Variants in EIF2AK2 observed in about 807,000 individuals in gnomAD.
The protein encoded by EIF2AK2 is interferon-induced, double-stranded RNA-activated protein kinase.
A neutral mutation model predicts 70.5 loss-of-function variants in EIF2AK2; 40 were observed. The observed-to-expected ratio is 0.57, with a 90% CI of 0.44 to 0.74. EIF2AK2 has a LOEUF of 0.74. Among genes scored for constraint, EIF2AK2 ranks in the 30% least tolerant of loss-of-function variants. The pLI is 0.00. For missense variants in EIF2AK2, 555 were observed against 644.3 expected (o/e 0.86, Z 1.50); for synonymous variants, 198 against 220.9 (o/e 0.90, Z 0.92).
rs1288860287 is a variant in EIF2AK2, at chr2:37,105,766, T to C, written c.*1507A>G. On this transcript the variant is annotated 3_prime_UTR_variant, in exon 17 of 17. Coordinates refer to ENST00000233057, the MANE Select transcript of EIF2AK2 (RefSeq NM_001135651.3). ...GCATACCCCATGTTCCTCAAATATA[T>C]CTTCTCCAGAGCTCATGCCAGACCC... The C allele has an allele frequency of 2.0e-5, 3 of 152,190 alleles. No individual in the cohort carries two copies. Among genetic ancestry groups the C allele is most frequent in the African/African-American group, 7.2e-5 (3 of 41,432 alleles). 9.4% of individuals were successfully genotyped at this position (152,190 alleles called of 1,614,324 possible).
intron 14 of EIF2AK2, among the ~76,000 whole-genome samples, chr2:37,114,276 G>A (rs1427301716): frequency 6.6e-6 from 1 of 151,684 alleles, no homozygotes; most frequent in Non-Finnish European, 1.5e-5. Flanking sequence ...CTCCAGCCTG[G>A]GTGACAGAGC....
chr2:37,125,102 TC>T (rs1458875718), intron 11 of EIF2AK2, among the ~76,000 whole-genome samples: 1 of 152,110 alleles, frequency 6.6e-6, no homozygotes. Flanking sequence ...AAGCTCCGCC[TC>T]CCGGGTTCAA....
chr2:37,127,812 C>T (rs1220976522), intron 10 of EIF2AK2, among the ~76,000 whole-genome samples: 3 of 151,360 alleles, frequency 2.0e-5, no homozygotes, highest in South Asian at 2.1e-4. Context: ...GTGCGATCTC[C>T]GCTCACTGCA....
At position 37,105,344 on chromosome 2, in the gene EIF2AK2, G is replaced by T. The variant is rs1336946075; in HGVS notation, c.*1929C>A. 6.6e-6 allele frequency: 1 copy of T among 152,040 alleles called. No homozygotes were observed. Among genetic ancestry groups the T allele is most frequent in the South Asian group, 2.1e-4 (1 of 4,810 alleles). The allele number at this position is 152,040 out of a possible 1,614,324, so 9.4% of individuals were successfully genotyped here. A position where few individuals can be genotyped will look rare whatever the true frequency, so the allele number is the denominator to read the frequency against. ...TCATGAATACATTAATGCCGTCCCT[G>T]GGGGTGGGGTGTGCTGGGGAGGAGA... On this transcript the variant is annotated 3_prime_UTR_variant, in exon 17 of 17. Coordinates refer to ENST00000233057, the MANE Select transcript of EIF2AK2 (RefSeq NM_001135651.3).
intron 9 of EIF2AK2, among the ~76,000 whole-genome samples, chr2:37,135,860 G>A (rs1675109460): frequency 6.6e-6 from 1 of 152,176 alleles, no homozygotes; most frequent in Non-Finnish European, 1.5e-5. Context: ...TCGAACTCCT[G>A]GACCCAAGCC....
intron 10 of EIF2AK2, among the ~76,000 whole-genome samples, chr2:37,133,667 C>T (rs1031761570): frequency 6.6e-6 from 1 of 152,226 alleles, no homozygotes; most frequent in African/African-American, 2.4e-5. Context: ...ACAGGATCCA[C>T]TTCCCTTCAT....
intron 12 of EIF2AK2, among the ~76,000 whole-genome samples, chr2:37,121,960 T>C (rs1296142662): frequency 6.6e-6 from 1 of 152,198 alleles, no homozygotes; most frequent in Non-Finnish European, 1.5e-5. Context: ...TGTTTGGCAA[T>C]GGCTTAACTG....
intron 11 of EIF2AK2, among the ~76,000 whole-genome samples, chr2:37,125,876 CT>C (rs1328524860): frequency 6.6e-6 from 1 of 152,220 alleles, no homozygotes; most frequent in African/African-American, 2.4e-5. Flanking sequence ...GACAAAATCA[CT>C]TCACATCTCT....
chr2:37,136,930 A>G, intron 9 of EIF2AK2, 53 bp downstream of exon 9: 9 of 1,511,912 alleles, frequency 6.0e-6, no homozygotes, highest in Non-Finnish European at 8.1e-6. Flanking sequence ...ACAATAAATA[A>G]GTCTGAAATA....
Position 37,099,408 on chromosome 2 carries a change from T to TA in EIF2AK2, c.*7864dup, listed in dbSNP as rs1673768970. 2 of 152,324 alleles carry TA rather than the reference T, an allele frequency of 1.3e-5. No individual in the cohort carries two copies. The highest frequency in any genetic ancestry group is 2.1e-4 in the South Asian group (1 of 4,832). 9.4% of individuals were successfully genotyped at this position (152,324 alleles called of 1,614,324 possible). ...AAGAAGAACAGCTTGTCCCCACTCT[T>TA]ACAGTGTAATGAAATTAGCAGTATA... On this transcript the variant is annotated 3_prime_UTR_variant, in exon 17 of 17. Coordinates refer to ENST00000233057, the MANE Select transcript of EIF2AK2 (RefSeq NM_001135651.3).
chr2:37,119,899 T>A (rs1674476226), intron 13 of EIF2AK2, 60 bp downstream of exon 13: 2 of 991,778 alleles, frequency 2.0e-6, no homozygotes, highest in African/African-American at 3.4e-5. Context: ...GCTGAGAAGA[T>A]ATATTTTAAA....
chr2:37,117,423 G>C (rs1674383711), intron 13 of EIF2AK2, among the ~76,000 whole-genome samples: 1 of 151,736 alleles, frequency 6.6e-6, no homozygotes, highest in Non-Finnish European at 1.5e-5. Flanking sequence ...TGTAGTCCCA[G>C]CTATGTGGGG....
At position 37,136,933 on chromosome 2, in the gene EIF2AK2, C is replaced by G. The variant is rs766822330; in HGVS notation, c.722+50G>C. 3.9e-6 allele frequency: 6 copies of G among 1,539,086 alleles called. No individual in the cohort carries two copies. In the South Asian group the frequency reaches 4.8e-5, roughly 12 times the overall value. On this transcript the variant is annotated intron_variant, in intron 9 of 16. Transcript: ENST00000233057. ...CAAGTATTAAGAACAATAAATAAGT[C>G]TGAAATAAAACTTCAGATCAAAATA... is the stretch of plus-strand genomic sequence containing the variant.
chr2:37,142,283 A>G (rs1675361671), intron 4 of EIF2AK2, among the ~76,000 whole-genome samples: 1 of 151,792 alleles, frequency 6.6e-6, no homozygotes, highest in Non-Finnish European at 1.5e-5. Context: ...GGCACACACC[A>G]CCATGCCTGG....
intron 8 of EIF2AK2, 74 bp from the exon 9 acceptor site, chr2:37,137,091 C>A: frequency 7.4e-7 from 1 of 1,343,794 alleles, no homozygotes; most frequent in South Asian, 1.4e-5. Flanking sequence ...TTCCTTCCTC[C>A]TGTATATCTA....
intron 15 of EIF2AK2, among the ~76,000 whole-genome samples, chr2:37,108,309 C>T (rs1674031793): frequency 6.6e-6 from 1 of 152,124 alleles, no homozygotes; most frequent in South Asian, 2.1e-4. Context: ...TCCAATACAA[C>T]TTACACTGCC....
intron 10 of EIF2AK2, among the ~76,000 whole-genome samples, chr2:37,133,155 A>G (rs1346372884): frequency 6.6e-6 from 1 of 152,182 alleles, no homozygotes; most frequent in Non-Finnish European, 1.5e-5. Context: ...CACCCGCACC[A>G]GGTACTCACT....
At chr2:37,139,862 C>A in intron 5 of EIF2AK2, 105 bp from the exon 6 acceptor site, 1 of 1,154,632 alleles carries the variant, frequency 8.7e-7, no homozygotes, top group Non-Finnish European at 1.2e-6. Flanking sequence ...AAGATAACAC[C>A]AATTTATTAG....
At chr2:37,143,481 A>G (rs1362874995) in intron 4 of EIF2AK2, among the ~76,000 whole-genome samples, 1 of 152,176 alleles carries the variant, frequency 6.6e-6, no homozygotes, top group African/African-American at 2.4e-5. Flanking sequence ...AAATCCCTGG[A>G]TTCAACCAAT....
Sources: allele counts gnomAD v4.1 joint callset (sites outside exome capture counted in the v4.1 genomes callset), GRCh38; gene constraint gnomAD v4.1.1; transcripts MANE v1.5; gene names NCBI Gene and HGNC (gene_info 2026-07-23, HGNC 2026-07-21).